Variants in SYNE2 observed in about 807,000 individuals in gnomAD.
The protein encoded by SYNE2 is nesprin-2.
A neutral mutation model predicts 856.3 loss-of-function variants in SYNE2; 431 were observed. The observed-to-expected ratio is 0.50, with a 90% CI of 0.47 to 0.55. The LOEUF is 0.55. Ranked by LOEUF, SYNE2 falls within the 20% of genes least tolerant of loss-of-function variation. The pLI, the probability that SYNE2 is intolerant of heterozygous loss-of-function variation, is 0.00. For synonymous variants in SYNE2, 2,923 were observed against 2,872.3 expected (o/e 1.02, Z -0.56); for missense variants, 8,129 against 8,023.2 (o/e 1.01, Z -0.50).
intron 61 of SYNE2, among the ~76,000 whole-genome samples, chr14:64,095,818 A>G (rs2097672103): frequency 6.6e-6 from 1 of 152,084 alleles, no homozygotes; most frequent in African/African-American, 2.4e-5. Context: ...CCTCCCCCCA[A>G]CATTTTTGTT....
intron 73 of SYNE2, among the ~76,000 whole-genome samples, chr14:64,128,185 A>T (rs1425372342): frequency 1.3e-5 from 2 of 152,272 alleles, no homozygotes; most frequent in East Asian, 3.9e-4. Flanking sequence ...TACTGATGAA[A>T]TGACTTGAGA....
At chr14:64,096,148 G>A (rs974988889) in intron 61 of SYNE2, among the ~76,000 whole-genome samples, 1 of 152,144 alleles carries the variant, frequency 6.6e-6, no homozygotes, top group Non-Finnish European at 1.5e-5. Flanking sequence ...TTCTTTATAA[G>A]TTACCCAGTC....
At chr14:63,941,322 G>A (rs572467853) in intron 3 of SYNE2, among the ~76,000 whole-genome samples, 23 of 152,090 alleles carry the variant, frequency 1.5e-4, no homozygotes, top group Middle Eastern at 3.2e-3. Flanking sequence ...ATTTCAACAC[G>A]ATGCTTGTAA....
rs1190587811 is a variant in SYNE2 at position 64,094,633 on chromosome 14, T to A, written c.12108+1153T>A. On this transcript the variant is annotated intron_variant, in intron 61 of 115. Transcript: ENST00000555002. ...AAGTGATTTGACATCTACAGTGAAG[T>A]ACAGGAGAGTGCAAGATGACACAGC... Among the ~76,000 whole-genome samples, 4 of 152,330 alleles carry A rather than the reference T, an allele frequency of 2.6e-5. No homozygotes were observed. In the East Asian group the frequency reaches 7.7e-4, roughly 29 times the overall value.
chr14:64,083,021 G>A (rs2097535752), intron 57 of SYNE2, among the ~76,000 whole-genome samples: 1 of 152,150 alleles, frequency 6.6e-6, no homozygotes, highest in Non-Finnish European at 1.5e-5. Flanking sequence ...GAATCCCTTA[G>A]AGAAAAGCTT....
intron 11 of SYNE2, among the ~76,000 whole-genome samples, chr14:63,976,297 A>T (rs562403136): frequency 1.1e-4 from 17 of 152,214 alleles, no homozygotes; most frequent in African/African-American, 3.9e-4. Context: ...TCCATATCTT[A>T]TTGTGGATTT....
At chr14:64,214,094 G>T in intron 105 of SYNE2, 100 bp from the exon 106 acceptor site, 1 of 1,574,524 alleles carries the variant, frequency 6.4e-7, no homozygotes, top group Non-Finnish European at 8.7e-7. Flanking sequence ...ACTATTGGCA[G>T]TTATTTTTGG....
In SYNE2 at chr14:64,017,634, C is replaced by G. The variant is rs770664731; in HGVS notation, c.4927C>G (p.Arg1643Gly). 7 of 1,612,790 alleles carry G rather than the reference C, an allele frequency of 4.3e-6. 1 individual carries two copies. Among genetic ancestry groups the G allele is most frequent in the East Asian group, 2.2e-5 (1 of 44,764 alleles). The change falls in exon 34 of 116, where the codon CGA becomes GGA. Residue 1643 changes from arginine (R) to glycine (G), a missense_variant. Around this residue, in one of 3 missense-constraint regions of SYNE2, gnomAD observed 2,422 missense variants for 2,357.4 expected, o/e 1.03. Coordinates refer to ENST00000555002, the MANE Select transcript of SYNE2 (RefSeq NM_182914.3). ...AGAAGATTACTATGAAAATCTTGGTCGAGCTCTAGCTTTGTGGGACAAACT... is the reference window on the plus strand; with the variant it reads ...AGAAGATTACTATGAAAATCTTGGTGGAGCTCTAGCTTTGTGGGACAAACT... ...KTEDYYENLGRALALWDKLFN... is the reference protein window; with the variant it reads ...KTEDYYENLGGALALWDKLFN...
At chr14:63,875,031 A>G (rs1475102814) in intron 1 of SYNE2, among the ~76,000 whole-genome samples, 1 of 151,828 alleles carries the variant, frequency 6.6e-6, no homozygotes, top group African/African-American at 2.4e-5. Context: ...GGATAAAAAA[A>G]TTCAAACCTC....
chr14:63,947,370 A>G (rs1338946708), intron 6 of SYNE2, among the ~76,000 whole-genome samples: 1 of 152,202 alleles, frequency 6.6e-6, no homozygotes, highest in Non-Finnish European at 1.5e-5. Flanking sequence ...TAAATCTCAC[A>G]TGTGCCTAGT....
rs771921725 is a variant in SYNE2 at position 64,162,214 on chromosome 14, A to G, written c.16237A>G (p.Asn5413Asp). The change falls in exon 88 of 116, where the codon AAC becomes GAC. Residue 5413 changes from asparagine (N) to aspartate (D), a missense_variant. This residue lies in a region of SYNE2 where 5,410 missense variants were observed against 5,284.8 expected (regional missense o/e 1.02). Coordinates refer to ENST00000555002, the MANE Select transcript of SYNE2 (RefSeq NM_182914.3). The stretch of plus-strand genomic sequence containing the variant: ...GGAAGCAAAGTTTCAACAGCTCGCA[A>G]ACATCAGCATGTCTGGAAACAACCT... ...QQEAKFQQLANISMSGNNLAE... is the reference protein window; with the variant it reads ...QQEAKFQQLADISMSGNNLAE... 8 of 1,614,134 alleles carry G rather than the reference A, an allele frequency of 5.0e-6. No homozygotes were observed. Among genetic ancestry groups the G allele is most frequent in the Non-Finnish European group, 5.9e-6 (7 of 1,180,052 alleles).
intron 58 of SYNE2, 136 bp downstream of exon 58, chr14:64,087,992 G>A: frequency 3.4e-6 from 3 of 889,738 alleles, no homozygotes; most frequent in Non-Finnish European, 5.3e-6. Flanking sequence ...AGACAAGCCT[G>A]GCCAACATGG....
intron 11 of SYNE2, among the ~76,000 whole-genome samples, chr14:63,976,175 A>G (rs560132919): frequency 2.0e-5 from 3 of 152,336 alleles, no homozygotes; most frequent in African/African-American, 4.8e-5. Context: ...ATAAATCTGT[A>G]TGAAAGATGT....
chr14:63,761,931 C>T (rs909087541), exon 1 of SYNE2: 1 of 273,634 alleles, frequency 3.7e-6, no homozygotes, highest in African/African-American at 2.2e-5. Flanking sequence ...AGTAGCGACC[C>T]GCGGGGAGCG....
intron 100 of SYNE2, among the ~76,000 whole-genome samples, chr14:64,207,074 A>G (rs544446119): frequency 6.6e-6 from 1 of 152,344 alleles, no homozygotes; most frequent in Admixed American, 6.5e-5. Flanking sequence ...CTTTAAAGAA[A>G]TCACCCTGCA....
At chr14:64,114,082 C>T (rs1171782294) in intron 66 of SYNE2, among the ~76,000 whole-genome samples, 1 of 151,950 alleles carries the variant, frequency 6.6e-6, no homozygotes, top group Non-Finnish European at 1.5e-5. Flanking sequence ...ATAAATGAAA[C>T]CAAAAGTATT....
chr14:64,144,212 A>G (rs1229517066), intron 83 of SYNE2, among the ~76,000 whole-genome samples: 2 of 152,204 alleles, frequency 1.3e-5, no homozygotes, highest in African/African-American at 2.4e-5. Flanking sequence ...GAACATGTCA[A>G]GTATTATGTC....
intron 9 of SYNE2, 106 bp from the exon 10 acceptor site, chr14:63,963,793 G>A (rs1188803028): frequency 2.7e-6 from 2 of 732,566 alleles, no homozygotes; most frequent in East Asian, 2.7e-5. Flanking sequence ...AATCATTGGT[G>A]TGTAATGATG....
chr14:63,998,440 T>A, intron 26 of SYNE2, 112 bp downstream of exon 26: 1 of 715,328 alleles, frequency 1.4e-6, no homozygotes, highest in Non-Finnish European at 2.5e-6. Context: ...TTGCATATGA[T>A]CCAGTAACTT....
Sources: allele counts gnomAD v4.1 joint callset (sites outside exome capture counted in the v4.1 genomes callset), GRCh38; gene constraint gnomAD v4.1.1; regional missense constraint gnomAD v4.1.1; transcripts MANE v1.5; gene names NCBI Gene and HGNC (gene_info 2026-07-23, HGNC 2026-07-21).